LAMA3: variants seen among roughly 807,000 people sequenced by gnomAD.
LAMA3 encodes the protein laminin subunit alpha 3.
LAMA3 carries 281 observed loss-of-function variants against 402.0 expected under a neutral mutation model. The observed-to-expected ratio is 0.70, with a 90% CI of 0.63 to 0.77. LAMA3 has a LOEUF of 0.77. Among genes scored for constraint, LAMA3 ranks in the 30% least tolerant of loss-of-function variants. The pLI, the probability that LAMA3 is intolerant of heterozygous loss-of-function variation, is 0.00. For missense variants in LAMA3, 3,840 were observed against 4,215.5 expected, an observed-to-expected ratio of 0.91 and a Z score of 2.47; for synonymous variants, 1,431 against 1,558.4, an observed-to-expected ratio of 0.92 and a Z score of 1.93.
chr18:23,845,181 C>T (rs1388047383), intron 30 of LAMA3, 57 bp downstream of exon 30: 3 of 1,019,354 alleles, frequency 2.9e-6, no homozygotes, highest in Non-Finnish European at 4.7e-6. Flanking sequence ...ACATTCCTGA[C>T]CAGCTCGAGG....
intron 2 of LAMA3, among the ~76,000 whole-genome samples, chr18:23,719,394 T>C (rs951559878): frequency 6.6e-6 from 1 of 152,170 alleles, no homozygotes; most frequent in Non-Finnish European, 1.5e-5. Context: ...CCTGCAGGTG[T>C]TAACACAGGC....
intron 12 of LAMA3, among the ~76,000 whole-genome samples, chr18:23,798,763 A>ACAT (rs1179185547): frequency 1.3e-5 from 2 of 152,246 alleles, no homozygotes; most frequent in Non-Finnish European, 2.9e-5. Context: ...GTACTGTGGA[A>ACAT]CTGATGGCTG....
At chr18:23,871,702 C>A in intron 38 of LAMA3, 41 bp downstream of exon 38, 1 of 1,520,916 alleles carries the variant, frequency 6.6e-7, no homozygotes, top group Non-Finnish European at 8.9e-7. Flanking sequence ...CTAGGGAGCT[C>A]CTGTGGCCGT....
At chr18:23,757,147 G>C (rs2061863868) in intron 6 of LAMA3, among the ~76,000 whole-genome samples, 1 of 151,824 alleles carries the variant, frequency 6.6e-6, no homozygotes. Flanking sequence ...AGCCTAGGAC[G>C]CCCACCTGAC....
At chr18:23,752,911 A>G (rs951549248) in intron 5 of LAMA3, among the ~76,000 whole-genome samples, 1 of 152,244 alleles carries the variant, frequency 6.6e-6, no homozygotes. Flanking sequence ...GCATGGCCTC[A>G]ATGAGAAAGA....
chr18:23,737,500 G>A (rs190389681), intron 2 of LAMA3, among the ~76,000 whole-genome samples: 46 of 152,316 alleles, frequency 3.0e-4, no homozygotes, highest in African/African-American at 1.1e-3. Context: ...TGGGGTCCTT[G>A]GAAGAGCCAG....
intron 41 of LAMA3, among the ~76,000 whole-genome samples, chr18:23,888,247 G>T (rs1365269871): frequency 6.6e-6 from 1 of 152,190 alleles, no homozygotes; most frequent in Non-Finnish European, 1.5e-5. Context: ...ATTATTAGGG[G>T]ATACATGGGC....
At chr18:23,748,281 T>C (rs1374425725) in intron 3 of LAMA3, among the ~76,000 whole-genome samples, 1 of 144,400 alleles carries the variant, frequency 6.9e-6, no homozygotes, top group Non-Finnish European at 1.5e-5. Context: ...ATACAAAAAT[T>C]AGCCAGGCAC....
intron 67 of LAMA3, among the ~76,000 whole-genome samples, chr18:23,938,303 C>G (rs939514422): frequency 6.6e-6 from 1 of 152,118 alleles, no homozygotes; most frequent in Non-Finnish European, 1.5e-5. Flanking sequence ...GATGGAGATC[C>G]CCACTGAGCT....
At position 23,771,391 on chromosome 18, in the gene LAMA3, T is replaced by C. The variant is rs543088339; in HGVS notation, c.1183-2106T>C. ...ATAGTGGAGAAAGTCAGAAATGTGG[T>C]TGACTTTGAAGAGTTGATGATGGAG... On this transcript the variant is annotated intron_variant, in intron 8 of 74. Transcript: ENST00000313654. Among the ~76,000 whole-genome samples, 9 of 152,310 alleles carry C rather than the reference T, an allele frequency of 5.9e-5. No individual in the cohort carries two copies. In the South Asian group the frequency reaches 8.3e-4, roughly 14 times the overall value.
rs371207892 is a variant in LAMA3, at chr18:23,799,674, C to A, written c.1604-10692C>A. Among the ~76,000 whole-genome samples, 128 of 152,200 alleles carry A rather than the reference C, an allele frequency of 8.4e-4. 3 individuals carry two copies. The South Asian group carries it at 0.026, about 30-fold the overall frequency. The stretch of plus-strand genomic sequence containing the variant: ...TTCCTTTAGGGCAGAAATAGCAGAA[C>A]AAGCCTGTAGTAGCCAGGGTTCTCT... On this transcript the variant is annotated intron_variant, in intron 12 of 74. Coordinates refer to ENST00000313654, the MANE Select transcript of LAMA3 (RefSeq NM_198129.4).
At chr18:23,785,224 C>T (rs1250681337) in intron 12 of LAMA3, among the ~76,000 whole-genome samples, 2 of 152,216 alleles carry the variant, frequency 1.3e-5, no homozygotes, top group African/African-American at 4.8e-5. Flanking sequence ...TTCCAATTTG[C>T]AAACCCAATT....
intron 74 of LAMA3, among the ~76,000 whole-genome samples, chr18:23,953,351 T>G (rs1291327214): frequency 5.8e-5 from 8 of 138,696 alleles, no homozygotes; most frequent in Admixed American, 2.1e-4. Flanking sequence ...TTTTTTTTTG[T>G]TTTTTTTTGA....
intron 1 of LAMA3, among the ~76,000 whole-genome samples, chr18:23,710,762 T>A (rs990391445): frequency 2.0e-4 from 30 of 152,072 alleles, no homozygotes; most frequent in Non-Finnish European, 3.7e-4. Flanking sequence ...GAATAAAAAA[T>A]TTTCACCCTG....
intron 24 of LAMA3, among the ~76,000 whole-genome samples, chr18:23,836,536 T>C (rs917930201): frequency 6.6e-6 from 1 of 152,014 alleles, no homozygotes; most frequent in African/African-American, 2.4e-5. Flanking sequence ...CCAGACTGAG[T>C]TTCAGAGGCA....
At chr18:23,716,829 C>A (rs2061109391) in intron 2 of LAMA3, among the ~76,000 whole-genome samples, 1 of 152,214 alleles carries the variant, frequency 6.6e-6, no homozygotes, top group Non-Finnish European at 1.5e-5. Flanking sequence ...GTGGCCTTAA[C>A]AAATATATTT....
chr18:23,898,660 T>C, intron 44 of LAMA3, 78 bp from the exon 45 acceptor site: 1 of 846,768 alleles, frequency 1.2e-6, no homozygotes, highest in Non-Finnish European at 2.1e-6. Context: ...TGATTCTTCA[T>C]TTATAACCCT....
At chr18:23,827,215 T>TGAACTGAATGACTGAGA (rs2063400259) in intron 22 of LAMA3, 99 bp from the exon 23 acceptor site, 1 of 1,226,588 alleles carries the variant, frequency 8.2e-7, no homozygotes, top group Admixed American at 1.7e-5. Context: ...AATGAATGAG[T>TGAACTGAATGACTGAGA]GAACTGAATG....
intron 68 of LAMA3, among the ~76,000 whole-genome samples, chr18:23,941,855 A>G (rs749045472): frequency 2.6e-5 from 4 of 152,222 alleles, no homozygotes; most frequent in Non-Finnish European, 5.9e-5. Context: ...AGGCCCACAT[A>G]TGGAAAGTAC....
Sources: gnomAD v4.1 joint callset for allele counts (sites outside exome capture counted in the v4.1 genomes callset) on GRCh38, gnomAD v4.1.1 for gene constraint, MANE v1.5 for transcripts, NCBI Gene and HGNC (gene_info 2026-07-23, HGNC 2026-07-21) for gene names.